The following CDH12 variants were observed in gnomAD, a reference collection of about 807,000 sequenced individuals.
The protein encoded by CDH12 is cadherin-12.
A neutral mutation model predicts 74.1 loss-of-function variants in CDH12; 41 were observed. The ratio of observed to expected loss-of-function variants is 0.55; its 90% confidence interval spans 0.43 to 0.72. The LOEUF is 0.72. Ranked by LOEUF, CDH12 falls within the 30% of genes least tolerant of loss-of-function variation. CDH12 has a pLI of 0.00. For missense variants in CDH12, 945 were observed against 977.2 expected (o/e 0.97, Z 0.44); for synonymous variants, 399 against 355.0 (o/e 1.12, Z -1.39).
intron 6 of CDH12, among the ~76,000 whole-genome samples, chr5:21,914,913 A>G (rs1199266293): frequency 8.5e-5 from 13 of 152,210 alleles, no homozygotes; most frequent in Non-Finnish European, 1.9e-4. Flanking sequence ...TTTAAAAAGT[A>G]TGATATATTT....
chr5:22,830,496 A>C (rs1736551109), intron 1 of CDH12, among the ~76,000 whole-genome samples: 1 of 151,848 alleles, frequency 6.6e-6, no homozygotes, highest in African/African-American at 2.4e-5. Flanking sequence ...GATCTGTTAT[A>C]ATTAATATAT....
At chr5:22,155,251 A>T (rs1369323438) in intron 4 of CDH12, among the ~76,000 whole-genome samples, 1 of 152,112 alleles carries the variant, frequency 6.6e-6, no homozygotes, top group Non-Finnish European at 1.5e-5. Flanking sequence ...ATGAGAGTAA[A>T]ATCTATTATA....
intron 1 of CDH12, among the ~76,000 whole-genome samples, chr5:22,823,485 C>T (rs570018348): frequency 1.8e-3 from 279 of 152,184 alleles, no homozygotes; most frequent in Non-Finnish European, 3.5e-3. Flanking sequence ...ATTGTGAGGC[C>T]TCCCCAGCCA....
intron 6 of CDH12, among the ~76,000 whole-genome samples, chr5:21,855,846 T>C (rs753362003): frequency 4.0e-5 from 6 of 151,712 alleles, no homozygotes; most frequent in Non-Finnish European, 8.9e-5. Flanking sequence ...TAGATTACTA[T>C]AGAAGCTAAA....
intron 5 of CDH12, among the ~76,000 whole-genome samples, chr5:21,998,773 C>A (rs1357544205): frequency 6.6e-6 from 1 of 152,112 alleles, no homozygotes; most frequent in African/African-American, 2.4e-5. Flanking sequence ...CACAGCTGGT[C>A]TCCTGAGAAG....
intron 1 of CDH12, among the ~76,000 whole-genome samples, chr5:22,558,110 G>A (rs1738879750): frequency 6.6e-6 from 1 of 152,032 alleles, no homozygotes. Context: ...AAAAAGATTA[G>A]TAGATTTTAA....
At chr5:21,818,711 G>A (rs1224912894) in intron 8 of CDH12, among the ~76,000 whole-genome samples, 1 of 151,860 alleles carries the variant, frequency 6.6e-6, no homozygotes, top group Non-Finnish European at 1.5e-5. Context: ...GTCCACAAGA[G>A]TTATATTTAA....
chr5:22,432,291 TGTA>T (rs568931025), intron 2 of CDH12, among the ~76,000 whole-genome samples: 62 of 152,244 alleles, frequency 4.1e-4, no homozygotes, highest in African/African-American at 1.4e-3. Flanking sequence ...AGCCTAGGTG[TGTA>T]GTAGGCTATA....
chr5:21,786,038 A>G (rs1473241642), intron 10 of CDH12, among the ~76,000 whole-genome samples: 3 of 152,236 alleles, frequency 2.0e-5, no homozygotes, highest in African/African-American at 7.2e-5. Context: ...GCCAATGTTC[A>G]TTAACCATTA....
At chr5:22,534,995 C>T (rs1482657112) in intron 1 of CDH12, among the ~76,000 whole-genome samples, 1 of 141,096 alleles carries the variant, frequency 7.1e-6, no homozygotes, top group Non-Finnish European at 1.5e-5. Context: ...TTTTTTGAGA[C>T]GGAGTCTCAC....
At chr5:22,208,951 G>T (rs145366876) in intron 4 of CDH12, among the ~76,000 whole-genome samples, 2,408 of 152,266 alleles carry the variant, frequency 0.016, 32 homozygotes, top group African/African-American at 0.032. Context: ...ACAACCTAGA[G>T]AATTGAAAGT....
chr5:22,382,443 G>A (rs1741808947), intron 3 of CDH12, among the ~76,000 whole-genome samples: 1 of 151,788 alleles, frequency 6.6e-6, no homozygotes, highest in African/African-American at 2.4e-5. Context: ...GGGCCCTGTA[G>A]AGATGCACCA....
chr5:22,760,323 T>C (rs1221141381), intron 1 of CDH12, among the ~76,000 whole-genome samples: 1 of 152,134 alleles, frequency 6.6e-6, no homozygotes, highest in African/African-American at 2.4e-5. Context: ...GTTTTGTGAA[T>C]TGTAATATTC....
intron 3 of CDH12, among the ~76,000 whole-genome samples, chr5:22,304,997 C>T (rs1280714382): frequency 2.6e-5 from 4 of 152,148 alleles, no homozygotes; most frequent in African/African-American, 7.2e-5. Flanking sequence ...CATAAATATT[C>T]AAATGCCAAG....
chr5:21,996,716 A>G (rs1427319761), intron 5 of CDH12, among the ~76,000 whole-genome samples: 3 of 152,192 alleles, frequency 2.0e-5, no homozygotes, highest in African/African-American at 7.2e-5. Context: ...TAAAAATAAA[A>G]CAAGTTTTGT....
intron 4 of CDH12, among the ~76,000 whole-genome samples, chr5:22,108,087 T>C (rs1744593545): frequency 6.6e-6 from 1 of 152,190 alleles, no homozygotes; most frequent in African/African-American, 2.4e-5. Context: ...AAATCTCAAT[T>C]TGAATTGTAA....
At chr5:22,170,489 A>G (rs2150327646) in intron 4 of CDH12, among the ~76,000 whole-genome samples, 1 of 151,770 alleles carries the variant, frequency 6.6e-6, no homozygotes, top group Non-Finnish European at 1.5e-5. Context: ...TGAAGCTGGG[A>G]GGGTTTGTTT....
chr5:22,179,838 G>A (rs1749539813), intron 4 of CDH12, among the ~76,000 whole-genome samples: 1 of 152,136 alleles, frequency 6.6e-6, no homozygotes, highest in Admixed American at 6.6e-5. Flanking sequence ...TACTAAGAGT[G>A]ACAAATGTGT....
intron 3 of CDH12, among the ~76,000 whole-genome samples, chr5:22,387,890 T>C (rs1742067651): frequency 6.6e-6 from 1 of 152,138 alleles, no homozygotes; most frequent in South Asian, 2.1e-4. Flanking sequence ...AAGCAGACTG[T>C]ATCATGCTAT....
Sources: allele counts gnomAD v4.1 joint callset (sites outside exome capture counted in the v4.1 genomes callset), GRCh38; gene constraint gnomAD v4.1.1; transcripts MANE v1.5; gene names NCBI Gene and HGNC (gene_info 2026-07-23, HGNC 2026-07-21).